The following NCKAP1 variants were observed in gnomAD, a reference collection of about 807,000 sequenced individuals.
The protein encoded by NCKAP1 is NCK associated protein 1, also known as nck-associated protein 1.
NCKAP1 carries 21 observed loss-of-function variants against 151.2 expected under a neutral mutation model. The observed-to-expected ratio is 0.14, with a 90% CI of 0.10 to 0.20. The LOEUF (loss-of-function observed/expected upper bound fraction) is 0.20, where lower values mean the gene tolerates loss of function less well. NCKAP1 is among the 10% of genes least tolerant of loss of function. The probability of loss-of-function intolerance (pLI) is 1.00; values close to 1 mark genes in which losing one functional copy is unlikely to be tolerated. For missense variants in NCKAP1, 933 were observed against 1,352.1 expected (o/e 0.69, Z 4.86); for synonymous variants, 484 against 451.8 (o/e 1.07, Z -0.90).
At chr2:183,003,882 G>C (rs923327174) in intron 2 of NCKAP1, among the ~76,000 whole-genome samples, 1 of 149,768 alleles carries the variant, frequency 6.7e-6, no homozygotes, top group African/African-American at 2.5e-5. Context: ...AAAGAAATGA[G>C]AAAGAAGCAA....
At chr2:183,020,486 A>AAG (rs1486403800) in intron 2 of NCKAP1, among the ~76,000 whole-genome samples, 19 of 151,540 alleles carry the variant, frequency 1.3e-4, no homozygotes, top group African/African-American at 4.6e-4. Flanking sequence ...AAAAAGAAAA[A>AAG]AAAGAAAAAA....
intron 4 of NCKAP1, among the ~76,000 whole-genome samples, chr2:183,002,672 C>A (rs930758044): frequency 1.2e-4 from 18 of 151,760 alleles, no homozygotes; most frequent in Non-Finnish European, 2.4e-4. Flanking sequence ...AAGAAAGAGT[C>A]CATCAAGTAT....
chr2:182,977,710 A>C (rs774865811), intron 14 of NCKAP1, among the ~76,000 whole-genome samples: 2 of 152,144 alleles, frequency 1.3e-5, no homozygotes, highest in African/African-American at 2.4e-5. Flanking sequence ...CTAGCAGGAA[A>C]GGGAAATGGC....
chr2:182,956,507 G>A lies in NCKAP1; in HGVS notation c.2108C>T (p.Thr703Ile). 6.2e-7 allele frequency: 1 copy of A among 1,611,008 alleles called. No homozygotes were observed. Among genetic ancestry groups the A allele is most frequent in the Non-Finnish European group, 8.5e-7 (1 of 1,178,366 alleles). ...PNMVVWEHTF[T>I]PREYLTSHLE... is the part of the protein sequence containing the mutation. ...ATGAGAAGTCAAATATTCTCGTGGG[G>A]TAAAGGTATGTTCCCATACCACCAT... Residue 703 changes from threonine (T) to isoleucine (I), a missense_variant, in exon 20 of 31, where the codon ACC becomes ATC. By Grantham distance (89) the Thr-to-Ile change is moderately conservative. Transcript: ENST00000361354.
chr2:183,019,562 TGA>T (rs773330562), intron 2 of NCKAP1, among the ~76,000 whole-genome samples: 3 of 152,210 alleles, frequency 2.0e-5, no homozygotes, highest in Non-Finnish European at 4.4e-5. Context: ...AAATTTCATT[TGA>T]GAGTTACACT....
chr2:182,996,232 T>C (rs1031114500), intron 6 of NCKAP1, among the ~76,000 whole-genome samples: 3 of 152,248 alleles, frequency 2.0e-5, no homozygotes, highest in African/African-American at 7.2e-5. Context: ...GTTATATGAC[T>C]AAGTGTTAAT....
chr2:183,001,058 A>G (rs1698365066), intron 6 of NCKAP1, among the ~76,000 whole-genome samples: 1 of 152,242 alleles, frequency 6.6e-6, no homozygotes, highest in Non-Finnish European at 1.5e-5. Flanking sequence ...GCACCACTGC[A>G]TTCCGGCTGG....
chr2:182,946,173 G>A (rs537530824), intron 23 of NCKAP1, among the ~76,000 whole-genome samples: 1 of 152,282 alleles, frequency 6.6e-6, no homozygotes, highest in Non-Finnish European at 1.5e-5. Context: ...GCTGAGGTGG[G>A]TGGATCACGA....
chr2:182,940,403 T>C (rs1437522546), intron 24 of NCKAP1, among the ~76,000 whole-genome samples: 1 of 152,180 alleles, frequency 6.6e-6, no homozygotes, highest in Non-Finnish European at 1.5e-5. Flanking sequence ...TATCATATAA[T>C]AAAAATGACC....
chr2:182,971,459 C>T (rs922577819), intron 15 of NCKAP1, among the ~76,000 whole-genome samples: 2 of 142,428 alleles, frequency 1.4e-5, no homozygotes, highest in African/African-American at 5.2e-5. Flanking sequence ...TATTGCTAAA[C>T]ATACCACCCA....
chr2:182,995,000 A>T, intron 7 of NCKAP1, 113 bp from the exon 8 acceptor site: 1 of 782,292 alleles, frequency 1.3e-6, no homozygotes, highest in Non-Finnish European at 2.1e-6. Context: ...CTTCGCCCAA[A>T]TACTACCACA....
intron 2 of NCKAP1, among the ~76,000 whole-genome samples, chr2:183,010,108 A>C (rs2105883091): frequency 6.6e-6 from 1 of 152,330 alleles, no homozygotes; most frequent in Non-Finnish European, 1.5e-5. Context: ...AAAGAAAAAA[A>C]CTTAAAATTT....
At chr2:183,010,237 G>GA (rs1698566787) in intron 2 of NCKAP1, among the ~76,000 whole-genome samples, 1 of 152,196 alleles carries the variant, frequency 6.6e-6, no homozygotes, top group Non-Finnish European at 1.5e-5. Context: ...GAAAGCAGCA[G>GA]AAACAACGAG....
At chr2:183,033,498 A>ATC (rs1699044815) in intron 1 of NCKAP1, among the ~76,000 whole-genome samples, 1 of 152,156 alleles carries the variant, frequency 6.6e-6, no homozygotes, top group Admixed American at 6.5e-5. Context: ...ATATCTATAC[A>ATC]TCTCTCTCCC....
At chr2:183,017,400 T>C (rs562214494) in intron 2 of NCKAP1, among the ~76,000 whole-genome samples, 190 of 152,278 alleles carry the variant, frequency 1.2e-3, no homozygotes, top group African/African-American at 4.5e-3. Flanking sequence ...TGGGAGACGG[T>C]GACAGATCAT....
chr2:183,037,850 C>A (rs1428042151), intron 1 of NCKAP1, 142 bp downstream of exon 1: 3 of 595,702 alleles, frequency 5.0e-6, no homozygotes, highest in Admixed American at 4.3e-5. Flanking sequence ...CGCATCCAGG[C>A]GACCCCGGGC....
At chr2:182,933,096 C>T (rs551202860) in intron 26 of NCKAP1, among the ~76,000 whole-genome samples, 1 of 152,198 alleles carries the variant, frequency 6.6e-6, no homozygotes, top group South Asian at 2.1e-4. Flanking sequence ...TCTGATAACA[C>T]TAAGAAAGAA....
At chr2:182,991,425 G>A (rs1378314800) in intron 8 of NCKAP1, among the ~76,000 whole-genome samples, 1 of 152,094 alleles carries the variant, frequency 6.6e-6, no homozygotes, top group Non-Finnish European at 1.5e-5. Flanking sequence ...CAAGCATGGT[G>A]GTGGGCACCT....
chr2:183,031,569 C>A (rs1699004515), intron 1 of NCKAP1, among the ~76,000 whole-genome samples: 1 of 151,854 alleles, frequency 6.6e-6, no homozygotes, highest in Non-Finnish European at 1.5e-5. Flanking sequence ...TTAATTTAAT[C>A]TGGGGGTGGG....
Sources: gnomAD v4.1 joint callset for allele counts (sites outside exome capture counted in the v4.1 genomes callset) on GRCh38, gnomAD v4.1.1 for gene constraint, MANE v1.5 for transcripts, NCBI Gene and HGNC (gene_info 2026-07-23, HGNC 2026-07-21) for gene names.